AP3B1: variants seen among roughly 807,000 people sequenced by gnomAD.
AP3B1 encodes the protein AP-3 complex subunit beta-1.
AP3B1 carries 61 observed loss-of-function variants against 132.5 expected under a neutral mutation model. The observed-to-expected ratio is 0.46, with a 90% CI of 0.37 to 0.57. The LOEUF (loss-of-function observed/expected upper bound fraction) is 0.57, where lower values mean the gene tolerates loss of function less well. Among genes scored for constraint, AP3B1 ranks in the 20% least tolerant of loss-of-function variants. The pLI, the probability that AP3B1 is intolerant of heterozygous loss-of-function variation, is 0.00. For missense variants in AP3B1, 1,120 were observed against 1,289.4 expected (o/e 0.87, Z 2.01); for synonymous variants, 388 against 438.3 (o/e 0.89, Z 1.43).
chr5:78,044,061 G>C, intron 22 of AP3B1: 1 of 301,578 alleles, frequency 3.3e-6, no homozygotes, highest in South Asian at 3.6e-5. Flanking sequence ...TTGATGACGA[G>C]AGACATGAGT....
rs375181318 is a variant in AP3B1 at position 78,260,683 on chromosome 5, T to G, written c.204+6837A>C. ...AGCATAATGAGTGGGACAGCGCTCA[T>G]GCCTACACAACTATTTTTAATAGGG... On this transcript the variant is annotated intron_variant, in intron 2 of 26. Coordinates refer to ENST00000255194, the MANE Select transcript of AP3B1 (RefSeq NM_003664.5). 9.2e-5 allele frequency among the ~76,000 whole-genome samples: 14 copies of G among 152,304 alleles called. 1 individual carries two copies. The East Asian group carries it at 1.7e-3, about 19-fold the overall frequency.
At chr5:78,218,964 T>C (rs1003401121) in intron 6 of AP3B1, among the ~76,000 whole-genome samples, 1 of 152,134 alleles carries the variant, frequency 6.6e-6, no homozygotes, top group Non-Finnish European at 1.5e-5. Flanking sequence ...AATAGATCTA[T>C]CACAATAAAA....
chr5:78,094,016 A>G (rs1479611968), intron 21 of AP3B1, among the ~76,000 whole-genome samples: 1 of 152,222 alleles, frequency 6.6e-6, no homozygotes, highest in Non-Finnish European at 1.5e-5. Context: ...CACATATCAT[A>G]AGGCTTATTT....
At chr5:78,221,567 G>A (rs926942284) in intron 6 of AP3B1, among the ~76,000 whole-genome samples, 2 of 151,582 alleles carry the variant, frequency 1.3e-5, no homozygotes, top group East Asian at 1.9e-4. Flanking sequence ...GGTGCCCTTC[G>A]AATAAAATTA....
intron 2 of AP3B1, among the ~76,000 whole-genome samples, chr5:78,249,181 C>T (rs1032038143): frequency 6.6e-6 from 1 of 151,882 alleles, no homozygotes; most frequent in African/African-American, 2.4e-5. Context: ...ATGGTGAAAC[C>T]CCATCTCTAT....
intron 20 of AP3B1, 26 bp downstream of exon 20, chr5:78,110,181 A>G (rs940809510): frequency 2.5e-6 from 4 of 1,584,706 alleles, no homozygotes; most frequent in Non-Finnish European, 3.4e-6. Context: ...TTTACCTTCA[A>G]TTACAACAAA....
At chr5:78,034,773 G>A (rs1747731289) in intron 23 of AP3B1, among the ~76,000 whole-genome samples, 1 of 151,864 alleles carries the variant, frequency 6.6e-6, no homozygotes, top group African/African-American at 2.4e-5. Flanking sequence ...AAATAAATGT[G>A]TTCTTGTTTC....
At chr5:78,225,749 T>G in intron 5 of AP3B1, 141 bp from the exon 6 acceptor site, 1 of 582,962 alleles carries the variant, frequency 1.7e-6, no homozygotes, top group East Asian at 2.9e-5. Flanking sequence ...GAAAAACAAA[T>G]AAAATGGGAT....
At chr5:78,219,948 T>C (rs1746111448) in intron 6 of AP3B1, among the ~76,000 whole-genome samples, 2 of 152,096 alleles carry the variant, frequency 1.3e-5, no homozygotes, top group African/African-American at 2.4e-5. Context: ...AACAAATAAA[T>C]TCCTTTTCAA....
intron 15 of AP3B1, among the ~76,000 whole-genome samples, chr5:78,132,693 T>C (rs1752741634): frequency 6.6e-6 from 1 of 152,236 alleles, no homozygotes; most frequent in East Asian, 1.9e-4. Context: ...AACTACTAGC[T>C]TTTTAAATGG....
intron 1 of AP3B1, among the ~76,000 whole-genome samples, chr5:78,287,941 G>A (rs1270557961): frequency 6.6e-6 from 1 of 152,164 alleles, no homozygotes; most frequent in Non-Finnish European, 1.5e-5. Flanking sequence ...ATGATCAGAT[G>A]TATAACAGTA....
At chr5:78,020,581 T>C in intron 25 of AP3B1, 111 bp downstream of exon 25, 1 of 825,882 alleles carries the variant, frequency 1.2e-6, no homozygotes, top group Admixed American at 2.0e-5. Context: ...GATTGTGCAC[T>C]AATATCTGTT....
chr5:78,129,779 TCTGCACTCTGA>T lies in AP3B1; in HGVS notation c.1651-483_1651-473del, dbSNP rs1454187497. Reference sequence around the variant, plus strand: ...GATACTGTCCCTGGCATAAGCAGTGTCTGCACTCTGACTGCACTCAGTTACTTTACCCTGAA... The same window carrying T: ...GATACTGTCCCTGGCATAAGCAGTGTCTGCACTCAGTTACTTTACCCTGAA... On this transcript the variant is annotated intron_variant, in intron 15 of 26. Transcript: ENST00000255194. Among the ~76,000 whole-genome samples, 4 of 152,126 alleles carry T rather than the reference TCTGCACTCTGA, an allele frequency of 2.6e-5. No homozygotes were observed. The East Asian group carries it at 5.8e-4, about 22-fold the overall frequency.
At chr5:78,144,468 C>T (rs1002656273) in intron 14 of AP3B1, among the ~76,000 whole-genome samples, 3 of 152,182 alleles carry the variant, frequency 2.0e-5, no homozygotes, top group Non-Finnish European at 2.9e-5. Flanking sequence ...GTGCAACAGT[C>T]CAAAGTAAAC....
intron 20 of AP3B1, among the ~76,000 whole-genome samples, chr5:78,101,996 A>G (rs1305175553): frequency 6.6e-6 from 1 of 152,082 alleles, no homozygotes; most frequent in Non-Finnish European, 1.5e-5. Context: ...TTCAATAGGT[A>G]TGTATAGAAT....
chr5:78,227,445 T>C lies in AP3B1; in HGVS notation c.463A>G (p.Ile155Val), dbSNP rs775733788. 6.2e-7 allele frequency: 1 copy of C among 1,613,612 alleles called. No homozygotes were observed. Among genetic ancestry groups the C allele is most frequent in the Non-Finnish European group, 8.5e-7 (1 of 1,179,628 alleles). The change falls in exon 5 of 27, where the codon ATT becomes GTT. Residue 155 changes from isoleucine to valine, a missense_variant. Physicochemically the swap from Ile to Val is conservative, Grantham distance 29. Around this residue, in one of 3 missense-constraint regions of AP3B1, gnomAD observed 129 missense variants for 212.4 expected, o/e 0.61. Coordinates refer to ENST00000255194, the MANE Select transcript of AP3B1 (RefSeq NM_003664.5). ...GATAAGTCAGCAGAAGCTTCCTTAA[T>C]AGCAAGCATCATGATAGGTACAATA... ...PIIVPIMMLA[I>V]KEASADLSPY...
intron 3 of AP3B1, among the ~76,000 whole-genome samples, chr5:78,232,082 G>A (rs1746671229): frequency 6.6e-6 from 1 of 152,084 alleles, no homozygotes; most frequent in Non-Finnish European, 1.5e-5. Context: ...TTACTTTGGG[G>A]TCAGATAAAA....
chr5:78,038,532 G>C (rs1440970333), intron 23 of AP3B1, among the ~76,000 whole-genome samples: 1 of 152,180 alleles, frequency 6.6e-6, no homozygotes, highest in Non-Finnish European at 1.5e-5. Context: ...ATTCAAAGCT[G>C]GCCTGAGCCA....
In AP3B1 at chr5:78,113,749, T is replaced by C. The variant is rs1412034776; in HGVS notation, c.2249+3A>G. 6.2e-7 allele frequency: 1 copy of C among 1,613,702 alleles called. No homozygotes were observed. The highest frequency in any genetic ancestry group is 8.5e-7 in the Non-Finnish European group (1 of 1,180,014). ...TGAAGGAAATTCTGACAAAATAAGT[T>C]ACCTTTTTCCTTTGGCTTTTGAGTT... On this transcript the variant is annotated splice_donor_region_variant and intron_variant, in intron 19 of 26. Coordinates refer to ENST00000255194, the MANE Select transcript of AP3B1 (RefSeq NM_003664.5).
Sources: allele counts gnomAD v4.1 joint callset (sites outside exome capture counted in the v4.1 genomes callset), GRCh38; gene constraint gnomAD v4.1.1; regional missense constraint gnomAD v4.1.1; transcripts MANE v1.5; gene names NCBI Gene and HGNC (gene_info 2026-07-23, HGNC 2026-07-21).